DAPK1: variants seen among roughly 807,000 people sequenced by gnomAD.
DAPK1 encodes the protein death associated protein kinase 1.
In DAPK1, 56 loss-of-function variants were observed where a neutral mutation model predicts 144.9. The observed-to-expected ratio is 0.39, with a 90% CI of 0.31 to 0.48. DAPK1 has a LOEUF of 0.48. Among genes scored for constraint, DAPK1 ranks in the 20% least tolerant of loss-of-function variants. The pLI is 0.95. For synonymous variants in DAPK1, 690 were observed against 749.0 expected (o/e 0.92, Z 1.29); for missense variants, 1,454 against 1,875.4 (o/e 0.78, Z 4.15).
At chr9:87,536,263 C>T (rs763382567) in intron 2 of DAPK1, among the ~76,000 whole-genome samples, 8 of 152,100 alleles carry the variant, frequency 5.3e-5, no homozygotes, top group Non-Finnish European at 8.8e-5. Flanking sequence ...ACCCACAAAG[C>T]GCAGAGAGCT....
intron 3 of DAPK1, chr9:87,633,345 T>G (rs1829779383): frequency 1.0e-6 from 1 of 984,894 alleles, no homozygotes; most frequent in African/African-American, 1.8e-5. Flanking sequence ...GATGAGTATA[T>G]GTGCGTATGG....
intron 2 of DAPK1, among the ~76,000 whole-genome samples, chr9:87,599,959 A>G (rs1828455776): frequency 6.6e-6 from 1 of 152,224 alleles, no homozygotes; most frequent in Non-Finnish European, 1.5e-5. Flanking sequence ...CACATTACGC[A>G]TGCCTGAATG....
At chr9:87,661,390 G>A (rs376741159) in intron 18 of DAPK1, among the ~76,000 whole-genome samples, 4 of 152,278 alleles carry the variant, frequency 2.6e-5, no homozygotes, top group African/African-American at 9.6e-5. Context: ...GTTGCTGTGC[G>A]TAATTTCTCT....
At chr9:87,641,236 C>T (rs1017253563) in intron 9 of DAPK1, among the ~76,000 whole-genome samples, 1 of 152,158 alleles carries the variant, frequency 6.6e-6, no homozygotes, top group Admixed American at 6.5e-5. Context: ...GCCCTCATTC[C>T]ACGTGGCCTT....
At chr9:87,619,481 CT>C (rs572887237) in intron 3 of DAPK1, among the ~76,000 whole-genome samples, 20 of 152,270 alleles carry the variant, frequency 1.3e-4, no homozygotes, top group African/African-American at 4.8e-4. Context: ...CAATGAGGAG[CT>C]TTTTCATGGC....
chr9:87,643,448 G>A lies in DAPK1; in HGVS notation c.991G>A (p.Ala331Thr). Residue 331 changes from alanine (A) to threonine (T), a missense_variant, in exon 11 of 26, where the codon GCC becomes ACC. By Grantham distance (58) the Ala-to-Thr change is moderately conservative (BLOSUM62 0). Transcript: ENST00000408954. ...SFLSRSNMSVARSDDTLDEED... is the reference protein window; with the variant it reads ...SFLSRSNMSVTRSDDTLDEED... ...CCTGTCCAGAAGTAACATGAGTGTT[G>A]CCAGAAGCGATGATACTCTGGTAAG... 4.4e-6 allele frequency: 7 copies of A among 1,606,204 alleles called. No homozygotes were observed. The highest frequency in any genetic ancestry group is 5.9e-6 in the Non-Finnish European group (7 of 1,176,974).
At chr9:87,671,856 C>T (rs1295202932) in intron 19 of DAPK1, among the ~76,000 whole-genome samples, 1 of 152,212 alleles carries the variant, frequency 6.6e-6, no homozygotes, top group Non-Finnish European at 1.5e-5. Flanking sequence ...CAACATCCCC[C>T]TTAGCACCCA....
At chr9:87,665,574 C>T (rs1326690381) in intron 18 of DAPK1, among the ~76,000 whole-genome samples, 2 of 152,206 alleles carry the variant, frequency 1.3e-5, no homozygotes, top group African/African-American at 2.4e-5. Flanking sequence ...TGTTCCTTTG[C>T]GAAGCATATT....
intron 2 of DAPK1, among the ~76,000 whole-genome samples, chr9:87,533,993 A>G (rs1825782576): frequency 6.6e-6 from 1 of 152,150 alleles, no homozygotes; most frequent in Admixed American, 6.5e-5. Flanking sequence ...AGCAGTTCTC[A>G]GGTTCCTGTC....
intron 2 of DAPK1, among the ~76,000 whole-genome samples, chr9:87,543,982 C>A (rs893930205): frequency 6.6e-6 from 1 of 152,020 alleles, no homozygotes; most frequent in African/African-American, 2.4e-5. Flanking sequence ...AATATATAAT[C>A]CTCTGGAAGG....
chr9:87,585,569 T>C (rs1827918992), intron 2 of DAPK1, among the ~76,000 whole-genome samples: 1 of 152,262 alleles, frequency 6.6e-6, no homozygotes, highest in Non-Finnish European at 1.5e-5. Flanking sequence ...GTCTCTGTTA[T>C]TCTTCTAATA....
intron 2 of DAPK1, among the ~76,000 whole-genome samples, chr9:87,514,450 T>C (rs974139535): frequency 2.0e-5 from 3 of 152,168 alleles, no homozygotes; most frequent in Non-Finnish European, 4.4e-5. Context: ...GAATCACTTT[T>C]CCCTCTCCAT....
chr9:87,515,700 G>A (rs2118162976), intron 2 of DAPK1, among the ~76,000 whole-genome samples: 1 of 152,302 alleles, frequency 6.6e-6, no homozygotes, highest in South Asian at 2.1e-4. Flanking sequence ...ATTTGGGGAG[G>A]AAATTGAGCT....
intron 4 of DAPK1, 38 bp downstream of exon 4, chr9:87,638,119 A>G (rs748105123): frequency 6.4e-7 from 1 of 1,567,376 alleles, no homozygotes; most frequent in Non-Finnish European, 8.7e-7. Flanking sequence ...AAGCTTGTGC[A>G]GATCACAGCC....
chr9:87,677,122 C>A (rs1441070429), intron 19 of DAPK1, among the ~76,000 whole-genome samples: 1 of 152,304 alleles, frequency 6.6e-6, no homozygotes, highest in African/African-American at 2.4e-5. Flanking sequence ...CTGCTGCAGA[C>A]AGGAAACACA....
At chr9:87,681,255 G>T in intron 19 of DAPK1, 149 bp from the exon 20 acceptor site, 1 of 590,958 alleles carries the variant, frequency 1.7e-6, no homozygotes. Context: ...TCCAGTCTGG[G>T]CAACAAGAGT....
At chr9:87,618,099 T>C (rs1365741076) in intron 3 of DAPK1, among the ~76,000 whole-genome samples, 3 of 152,228 alleles carry the variant, frequency 2.0e-5, no homozygotes, top group African/African-American at 7.2e-5. Context: ...CTAGTTTCTC[T>C]CCTGTTGAGC....
intron 2 of DAPK1, among the ~76,000 whole-genome samples, chr9:87,558,819 G>A (rs572768222): frequency 6.6e-6 from 1 of 152,330 alleles, no homozygotes; most frequent in African/African-American, 2.4e-5. Flanking sequence ...CGTGCAGAAA[G>A]CATGATTCCC....
At chr9:87,630,057 G>T (rs1452489239) in intron 3 of DAPK1, among the ~76,000 whole-genome samples, 1 of 152,110 alleles carries the variant, frequency 6.6e-6, no homozygotes, top group Non-Finnish European at 1.5e-5. Context: ...CAGCCCCCGA[G>T]CTGCTTCAGT....
Sources: allele counts gnomAD v4.1 joint callset (sites outside exome capture counted in the v4.1 genomes callset), GRCh38; gene constraint gnomAD v4.1.1; transcripts MANE v1.5; gene names NCBI Gene and HGNC (gene_info 2026-07-23, HGNC 2026-07-21).